VIPR1: variants seen among roughly 807,000 people sequenced by gnomAD.
The protein encoded by VIPR1 is vasoactive intestinal peptide receptor 1.
In VIPR1, 59 loss-of-function variants were observed where a neutral mutation model predicts 58.8. That is an observed-to-expected ratio of 1.00 (90% CI 0.81 to 1.25). VIPR1 has a LOEUF of 1.25. VIPR1 is among the 50% of genes most tolerant of loss of function. The pLI is 0.00. For synonymous variants in VIPR1, 251 were observed against 242.1 expected (o/e 1.04, Z -0.34); for missense variants, 626 against 602.7 (o/e 1.04, Z -0.40).
chr3:42,527,886 G>T (rs1162517005), intron 5 of VIPR1, 105 bp from the exon 6 acceptor site: 8 of 1,481,798 alleles, frequency 5.4e-6, no homozygotes, highest in Non-Finnish European at 7.3e-6. Flanking sequence ...CCCTCTGGAG[G>T]ACACATGCTC....
chr3:42,532,526 C>T (rs1577256940), intron 10 of VIPR1, 193 bp downstream of exon 10: 2 of 639,106 alleles, frequency 3.1e-6, no homozygotes, highest in Non-Finnish European at 5.6e-6. Context: ...CACCAGGCTG[C>T]ACTCAGAGCC....
At chr3:42,530,533 G>T in intron 6 of VIPR1, 1 of 482,990 alleles carries the variant, frequency 2.1e-6, no homozygotes, top group Non-Finnish European at 3.7e-6. Flanking sequence ...ATATATAGAT[G>T]GGAAGGTGAA....
intron 3 of VIPR1, among the ~76,000 whole-genome samples, chr3:42,519,734 A>G: frequency 6.6e-6 from 1 of 152,208 alleles, no homozygotes; most frequent in Non-Finnish European, 1.5e-5. Flanking sequence ...ACTTAAATGA[A>G]TGTCCACAGA....
chr3:42,527,451 C>T lies in VIPR1; in HGVS notation c.458C>T (p.Ser153Phe), dbSNP rs776484705. The T allele has an allele frequency of 1.2e-6, 2 of 1,613,870 alleles. No individual in the cohort carries two copies. The highest frequency in any genetic ancestry group is 1.7e-6 in the Non-Finnish European group (2 of 1,179,974). Residue 153 changes from serine to phenylalanine, a missense_variant, in exon 5 of 13, where the codon TCC becomes TTC. Ser to Phe is a radical substitution (Grantham distance 155). Coordinates refer to ENST00000325123, the MANE Select transcript of VIPR1 (RefSeq NM_004624.4). ...KTGYTIGYGL[S>F]LATLLVATAI... ...GGCTACACCATTGGCTACGGCCTGT[C>T]CCTCGCCACCCTTCTGGTCGCCACA...
At chr3:42,532,484 C>A (rs1262646929) in intron 10 of VIPR1, 151 bp downstream of exon 10, 2 of 797,050 alleles carry the variant, frequency 2.5e-6, no homozygotes, top group Non-Finnish European at 4.2e-6. Context: ...CCTGGCTCAG[C>A]CCACCACCAT....
Position 42,531,473 on chromosome 3 carries a change from G to T in VIPR1, c.793G>T (p.Val265Leu). 2 of 1,581,446 alleles carry T rather than the reference G, an allele frequency of 1.3e-6. No homozygotes were observed. The highest frequency in any genetic ancestry group is 1.7e-6 in the Non-Finnish European group (2 of 1,162,462). ...TTCACTCTCCCTGGGCCTGACAGGG[G>T]TACCCAGCACATTCACCATGGTGTG... ...FWGYILIGWG[V>L]PSTFTMVWTI... The change falls in exon 8 of 13, where the codon GTA (valine) becomes TTA (leucine). Residue 265 changes from valine to leucine, a missense_variant and splice_region_variant. Physicochemically the swap from Val to Leu is conservative, Grantham distance 32 (BLOSUM62 1). Coordinates refer to ENST00000325123, the MANE Select transcript of VIPR1 (RefSeq NM_004624.4).
intron 3 of VIPR1, among the ~76,000 whole-genome samples, chr3:42,523,036 C>G (rs747082214): frequency 1.1e-4 from 17 of 152,212 alleles, no homozygotes; most frequent in Non-Finnish European, 1.9e-4. Context: ...ACGGTGGAGC[C>G]CAGCCTGGCC....
chr3:42,521,082 T>C (rs1700891903), intron 3 of VIPR1, among the ~76,000 whole-genome samples: 1 of 152,188 alleles, frequency 6.6e-6, no homozygotes, highest in Non-Finnish European at 1.5e-5. Context: ...CCTGAGACTC[T>C]GCTAACTGCA....
At chr3:42,492,504 C>G (rs1479337792) in intron 1 of VIPR1, 1 of 152,528 alleles carries the variant, frequency 6.6e-6, no homozygotes, top group East Asian at 1.9e-4. Context: ...CTGAGGTTGT[C>G]CTGGCCCAGC....
rs1333300759 is a variant in VIPR1 at position 42,525,928 on chromosome 3, C to CA, written c.335dup (p.His112GlnfsTer15). 6.2e-7 allele frequency: 1 copy of CA among 1,613,530 alleles called. No homozygotes were observed. Among genetic ancestry groups the CA allele is most frequent in the South Asian group, 1.1e-5 (1 of 90,880 alleles). On this transcript the variant is annotated frameshift_variant, in exon 4 of 13. Coordinates refer to ENST00000325123, the MANE Select transcript of VIPR1 (RefSeq NM_004624.4). LOFTEE classifies it high-confidence loss of function. ...CAGCTGCACCGACGAAGGCTGGACG[C>CA]ACCTGGAGCCTGGCCCGTACCCCAT...
At chr3:42,519,491 T>C in intron 3 of VIPR1, 161 bp downstream of exon 3, 10 of 517,872 alleles carry the variant, frequency 1.9e-5, no homozygotes, top group Non-Finnish European at 3.3e-5. Context: ...TTTAAAGAAC[T>C]CACAGGATTT....
rs941870038 is a variant in VIPR1 at position 42,502,662 on chromosome 3, C to T, written c.-74C>T. The T allele has an allele frequency of 7.0e-6, 8 of 1,144,464 alleles. No homozygotes were observed. The African/African-American group carries it at 1.3e-4, about 19-fold the overall frequency. The allele number at this position is 1,144,464 out of a possible 1,614,324, so 70.9% of individuals were successfully genotyped here. A position where few individuals can be genotyped will look rare whatever the true frequency, so the allele number is the denominator to read the frequency against. The stretch of plus-strand genomic sequence containing the variant: ...AGCGCCACTCTGCCAGGCTCCCGGC[C>T]ATCGCCCGCCTGGTGCGCCGCCCGC... On this transcript the variant is annotated 5_prime_UTR_variant, in exon 1 of 13. Coordinates refer to ENST00000325123, the MANE Select transcript of VIPR1 (RefSeq NM_004624.4).
At chr3:42,518,945 C>T (rs2125653762) in intron 2 of VIPR1, among the ~76,000 whole-genome samples, 1 of 152,320 alleles carries the variant, frequency 6.6e-6, no homozygotes, top group South Asian at 2.1e-4. Flanking sequence ...CCTATTGCTG[C>T]AACAGTCAAA....
Position 42,502,644 on chromosome 3 carries a change from C to G in VIPR1, c.-92C>G. 9.7e-7 allele frequency: 1 copy of G among 1,028,700 alleles called. No homozygotes were observed. Among genetic ancestry groups the G allele is most frequent in the Non-Finnish European group, 1.2e-6 (1 of 802,214 alleles). The allele number at this position is 1,028,700 out of a possible 1,614,324, so 63.7% of individuals were successfully genotyped here. ...CTCTGGGGCCACAGCGCCAGCGCCA[C>G]TCTGCCAGGCTCCCGGCCATCGCCC... is the stretch of plus-strand genomic sequence containing the variant. On this transcript the variant is annotated 5_prime_UTR_variant, in exon 1 of 13. Transcript: ENST00000325123.
chr3:42,515,409 C>T (rs1300438503), intron 2 of VIPR1, among the ~76,000 whole-genome samples: 2 of 152,224 alleles, frequency 1.3e-5, no homozygotes, highest in Non-Finnish European at 2.9e-5. Flanking sequence ...CCCCACTCCA[C>T]CAGTGCAGGG....
At chr3:42,496,434 G>A (rs1025284228) in intron 1 of VIPR1, among the ~76,000 whole-genome samples, 7 of 152,190 alleles carry the variant, frequency 4.6e-5, no homozygotes, top group African/African-American at 9.6e-5. Flanking sequence ...ATATCATTCT[G>A]CAACTTGCTT....
chr3:42,498,771 G>A (rs560682522), upstream of VIPR1, among the ~76,000 whole-genome samples: 4 of 152,334 alleles, frequency 2.6e-5, no homozygotes, highest in Admixed American at 2.6e-4. Flanking sequence ...GACAGCCCAT[G>A]TCTAAGACAC....
At chr3:42,528,441 A>T (rs1446763315) in intron 6 of VIPR1, 1 of 303,932 alleles carries the variant, frequency 3.3e-6, no homozygotes, top group Non-Finnish European at 6.3e-6. Context: ...CTAACTTCCT[A>T]TGTGGCCTTG....
At chr3:42,513,067 G>A in intron 1 of VIPR1, 2 of 747,096 alleles carry the variant, frequency 2.7e-6, no homozygotes, top group Non-Finnish European at 3.3e-6. Flanking sequence ...CAGAAGCAGG[G>A]GAGGCCTGGT....
Sources: gnomAD v4.1 joint callset for allele counts (sites outside exome capture counted in the v4.1 genomes callset) on GRCh38, gnomAD v4.1.1 for gene constraint, MANE v1.5 for transcripts, NCBI Gene and HGNC (gene_info 2026-07-23, HGNC 2026-07-21) for gene names.